CTDSPL2: variants seen among roughly 807,000 people sequenced by gnomAD.
CTDSPL2 encodes the protein CTD small phosphatase like 2.
A neutral mutation model predicts 60.0 loss-of-function variants in CTDSPL2; 5 were observed. The observed-to-expected ratio is 0.08, with a 90% CI of 0.04 to 0.18. The LOEUF (loss-of-function observed/expected upper bound fraction) is 0.18, where lower values mean the gene tolerates loss of function less well. Among genes scored for constraint, CTDSPL2 ranks in the 10% least tolerant of loss-of-function variants. The pLI is 1.00. For missense variants in CTDSPL2, 370 were observed against 548.8 expected (o/e 0.67, Z 3.26); for synonymous variants, 186 against 189.3 (o/e 0.98, Z 0.14).
In CTDSPL2 at chr15:44,524,202, G is replaced by A. The variant is rs1032219420; in HGVS notation, c.*28G>A. On this transcript the variant is annotated 3_prime_UTR_variant, in exon 13 of 13. Transcript: ENST00000260327. ...ACAAAGACTTGTCAAATCACTGAAGGGGGAGAGAATGCAGGACCCTTTTGG... is the reference window on the plus strand; with the variant it reads ...ACAAAGACTTGTCAAATCACTGAAGAGGGAGAGAATGCAGGACCCTTTTGG... The A allele has an allele frequency of 1.3e-6, 2 of 1,587,342 alleles. No individual in the cohort carries two copies. Among genetic ancestry groups the A allele is most frequent in the Non-Finnish European group, 1.7e-6 (2 of 1,156,194 alleles).
chr15:44,487,047 T>C (rs990223330), intron 4 of CTDSPL2, among the ~76,000 whole-genome samples: 2 of 152,218 alleles, frequency 1.3e-5, no homozygotes, highest in Non-Finnish European at 2.9e-5. Context: ...GAATTACAGA[T>C]GTGAGCAACT....
chr15:44,475,232 C>T (rs2080892331), intron 2 of CTDSPL2, among the ~76,000 whole-genome samples: 1 of 151,990 alleles, frequency 6.6e-6, no homozygotes, highest in African/African-American at 2.4e-5. Context: ...AGTGGGAGGG[C>T]ATGCTTCTTT....
At chr15:44,478,202 T>C (rs1327009234) in intron 2 of CTDSPL2, among the ~76,000 whole-genome samples, 2 of 151,344 alleles carry the variant, frequency 1.3e-5, no homozygotes, top group Admixed American at 1.3e-4. Context: ...ATCCCAGCAC[T>C]TTTGGGAGGC....
At chr15:44,519,092 T>G in intron 10 of CTDSPL2, 77 bp from the exon 11 acceptor site, 1 of 906,568 alleles carries the variant, frequency 1.1e-6, no homozygotes, top group Non-Finnish European at 1.5e-6. Context: ...ATAAAGCCTA[T>G]GGTGTATATA....
intron 1 of CTDSPL2, among the ~76,000 whole-genome samples, chr15:44,436,849 A>G (rs1470576485): frequency 6.6e-6 from 1 of 152,174 alleles, no homozygotes; most frequent in African/African-American, 2.4e-5. Context: ...TGCATGACAC[A>G]TCAGAACAGG....
At chr15:44,470,783 AATT>A (rs1471411190) in intron 2 of CTDSPL2, among the ~76,000 whole-genome samples, 3 of 152,252 alleles carry the variant, frequency 2.0e-5, no homozygotes, top group African/African-American at 7.2e-5. Flanking sequence ...TATTTAATGT[AATT>A]ATTAATATGT....
intron 1 of CTDSPL2, among the ~76,000 whole-genome samples, chr15:44,454,668 G>A (rs904199241): frequency 8.5e-5 from 13 of 152,078 alleles, no homozygotes; most frequent in African/African-American, 2.4e-4. Context: ...TCCCAGGACC[G>A]TTTATTAAAT....
chr15:44,448,743 C>T, intron 1 of CTDSPL2: 1 of 343,190 alleles, frequency 2.9e-6, no homozygotes, highest in Non-Finnish European at 5.7e-6. Flanking sequence ...CGATAGTCTG[C>T]CCTCCTGGTC....
intron 11 of CTDSPL2, 31 bp downstream of exon 11, chr15:44,519,326 T>C (rs375028668): frequency 2.2e-5 from 34 of 1,524,948 alleles, no homozygotes; most frequent in African/African-American, 1.1e-4. Flanking sequence ...CAAACTCAGA[T>C]TGGAAAAAAT....
chr15:44,485,939 G>A (rs1375118072), intron 3 of CTDSPL2, among the ~76,000 whole-genome samples: 1 of 152,184 alleles, frequency 6.6e-6, no homozygotes, highest in Non-Finnish European at 1.5e-5. Flanking sequence ...TGATTAATTA[G>A]AACAGTTGAT....
intron 1 of CTDSPL2, among the ~76,000 whole-genome samples, chr15:44,429,643 G>A (rs1275792622): frequency 2.0e-5 from 3 of 152,252 alleles, no homozygotes; most frequent in East Asian, 3.9e-4. Flanking sequence ...CAAGGCAGGC[G>A]GATCACAAGA....
chr15:44,492,362 A>T (rs1173772588), intron 5 of CTDSPL2, among the ~76,000 whole-genome samples: 1 of 152,152 alleles, frequency 6.6e-6, no homozygotes, highest in Admixed American at 6.5e-5. Flanking sequence ...AAAAAGAAAC[A>T]TAGTTTGGTT....
chr15:44,495,189 C>T (rs1428075504), intron 5 of CTDSPL2, among the ~76,000 whole-genome samples: 4 of 152,104 alleles, frequency 2.6e-5, no homozygotes, highest in Admixed American at 6.5e-5. Flanking sequence ...AGGCTGATCT[C>T]GAACTCCTGA....
chr15:44,457,734 T>C (rs1744664248), intron 1 of CTDSPL2, among the ~76,000 whole-genome samples: 1 of 151,976 alleles, frequency 6.6e-6, no homozygotes, highest in Admixed American at 6.5e-5. Context: ...GCCTCAGCCT[T>C]CAGAGTAGCT....
intron 2 of CTDSPL2, among the ~76,000 whole-genome samples, chr15:44,472,671 TC>T (rs2080835261): frequency 6.6e-6 from 1 of 152,066 alleles, no homozygotes; most frequent in Non-Finnish European, 1.5e-5. Flanking sequence ...CTAATTTCTT[TC>T]CCCACTTTTT....
intron 12 of CTDSPL2, among the ~76,000 whole-genome samples, chr15:44,523,891 T>A (rs2081831067): frequency 6.6e-6 from 1 of 152,198 alleles, no homozygotes; most frequent in Admixed American, 6.5e-5. Flanking sequence ...AGAGCAAGAC[T>A]CTGTCTGAAA....
intron 5 of CTDSPL2, among the ~76,000 whole-genome samples, chr15:44,495,064 C>G (rs1351515515): frequency 6.6e-6 from 1 of 152,124 alleles, no homozygotes; most frequent in Non-Finnish European, 1.5e-5. Context: ...CTCTGCTTCC[C>G]GGGTTCAAGC....
intron 8 of CTDSPL2, among the ~76,000 whole-genome samples, chr15:44,507,112 C>T (rs761470152): frequency 8.1e-5 from 12 of 147,780 alleles, no homozygotes; most frequent in Non-Finnish European, 1.5e-4. Flanking sequence ...GACTGAGTCT[C>T]GCTACTCTGT....
In CTDSPL2 at chr15:44,459,059, C is replaced by G. The variant is rs1595717663; in HGVS notation, c.45C>G (p.Ile15Met). 2 of 1,607,996 alleles carry G rather than the reference C, an allele frequency of 1.2e-6. No homozygotes were observed. The highest frequency in any genetic ancestry group is 1.7e-6 in the Non-Finnish European group (2 of 1,176,878). The part of the protein sequence containing the change: ...TRKASQQSNQ[I>M]QTQRTARAKR... Reference sequence around the variant, plus strand: ...AAGCTTCTCAGCAGTCAAATCAAATCCAAACACAACGCACTGCCAGAGCAA... The same window carrying G: ...AAGCTTCTCAGCAGTCAAATCAAATGCAAACACAACGCACTGCCAGAGCAA... The change falls in exon 2 of 13, where the codon ATC (isoleucine) becomes ATG (methionine). Residue 15 changes from isoleucine to methionine, a missense_variant. Transcript: ENST00000260327.
Sources: allele counts gnomAD v4.1 joint callset (sites outside exome capture counted in the v4.1 genomes callset), GRCh38; gene constraint gnomAD v4.1.1; transcripts MANE v1.5; gene names NCBI Gene and HGNC (gene_info 2026-07-23, HGNC 2026-07-21).